Variants in DGKI observed in about 807,000 individuals in gnomAD.
DGKI encodes the protein DAG kinase iota.
In DGKI, 55 loss-of-function variants were observed where a neutral mutation model predicts 147.5. The ratio of observed to expected loss-of-function variants is 0.37; its 90% CI spans 0.30 to 0.47. The LOEUF (loss-of-function observed/expected upper bound fraction) is 0.47, where lower values mean the gene tolerates loss of function less well. Ranked by LOEUF, DGKI falls within the 20% of genes least tolerant of loss-of-function variation. The pLI, the probability that DGKI is intolerant of heterozygous loss-of-function variation, is 1.00. For missense variants in DGKI, 1,007 were observed against 1,323.8 expected (o/e 0.76, Z 3.71); for synonymous variants, 469 against 477.1 (o/e 0.98, Z 0.22).
chr7:137,522,168 A>G (rs969813436), intron 20 of DGKI, among the ~76,000 whole-genome samples: 1 of 152,074 alleles, frequency 6.6e-6, no homozygotes, highest in Non-Finnish European at 1.5e-5. Flanking sequence ...TGGAATTTAC[A>G]TAAGAATATA....
rs972670307 is a variant in DGKI at position 137,397,376 on chromosome 7, C to T, written c.2957+1G>A. ...ACTATGTAATAAAAGGCAACACTCACGTTTCACTGTCTGCCATATCCAATA... is the reference window on the plus strand; with the variant it reads ...ACTATGTAATAAAAGGCAACACTCATGTTTCACTGTCTGCCATATCCAATA... On this transcript the variant is annotated splice_donor_variant, in intron 31 of 32. Transcript: ENST00000614521. LOFTEE classifies it high-confidence loss of function. 1.2e-6 allele frequency: 2 copies of T among 1,613,052 alleles called. No individual in the cohort carries two copies. Among genetic ancestry groups the T allele is most frequent in the Non-Finnish European group, 1.7e-6 (2 of 1,179,600 alleles).
chr7:137,689,728 T>C (rs546522285), intron 2 of DGKI, among the ~76,000 whole-genome samples, 166 bp downstream of exon 2: 20 of 152,334 alleles, frequency 1.3e-4, no homozygotes, highest in African/African-American at 4.8e-4. Flanking sequence ...GGAGTGATGT[T>C]CATAGGAGTT....
intron 1 of DGKI, among the ~76,000 whole-genome samples, chr7:137,833,276 A>G (rs1006801423): frequency 6.6e-6 from 1 of 152,158 alleles, no homozygotes; most frequent in Non-Finnish European, 1.5e-5. Context: ...TGGGCAATTT[A>G]CAGAAGAGGT....
chr7:137,574,099 T>C (rs1322143409), intron 17 of DGKI, among the ~76,000 whole-genome samples: 1 of 152,186 alleles, frequency 6.6e-6, no homozygotes. Context: ...AGTTTCAATC[T>C]AAGTATAATG....
chr7:137,781,777 C>T (rs1796525442), intron 1 of DGKI, among the ~76,000 whole-genome samples: 1 of 152,142 alleles, frequency 6.6e-6, no homozygotes, highest in Admixed American at 6.5e-5. Context: ...CCGGAATTGC[C>T]AGGGAAGGAC....
chr7:137,444,077 C>A lies in DGKI; in HGVS notation c.2761G>T (p.Ala921Ser). 6.4e-7 allele frequency: 1 copy of A among 1,565,344 alleles called. No homozygotes were observed. Among genetic ancestry groups the A allele is most frequent in the Non-Finnish European group, 8.7e-7 (1 of 1,154,022 alleles). Residue 921 changes from alanine to serine, a missense_variant and splice_region_variant, in exon 28 of 33, where the codon GCA becomes TCA. Transcript: ENST00000614521. ...LQSPVSSEDH[A>S]ILQAVIAGDL... Reference sequence around the variant, plus strand: ...TATAAATAAGACAGATGATTCTTACCATGATCTTCTGAAGAGACTGGTGAC... The same window carrying A: ...TATAAATAAGACAGATGATTCTTACAATGATCTTCTGAAGAGACTGGTGAC...
At chr7:137,721,538 G>A (rs1794557543) in intron 1 of DGKI, among the ~76,000 whole-genome samples, 1 of 151,974 alleles carries the variant, frequency 6.6e-6, no homozygotes, top group African/African-American at 2.4e-5. Flanking sequence ...CCCTTTCTTG[G>A]ACTATTGTGA....
chr7:137,584,798 C>T (rs899787480), intron 14 of DGKI, among the ~76,000 whole-genome samples: 3 of 152,118 alleles, frequency 2.0e-5, no homozygotes, highest in Non-Finnish European at 2.9e-5. Flanking sequence ...ACCTCTTCAA[C>T]GTAAGATATA....
intron 21 of DGKI, chr7:137,493,689 C>A: frequency 1.4e-6 from 1 of 692,724 alleles, no homozygotes; most frequent in South Asian, 1.5e-5. Context: ...TAAAAGATAG[C>A]AACTTCAAAG....
At position 137,569,966 on chromosome 7, in the gene DGKI, C is replaced by A. The variant is rs988311015; in HGVS notation, c.1947+1209G>T. ...TATTCTAGAGATGAGTTAACAAGGG[C>A]CATCACAAAATCAGGTGATGAAGAT... On this transcript the variant is annotated intron_variant, in intron 19 of 32. Transcript: ENST00000614521. 1.2e-4 allele frequency among the ~76,000 whole-genome samples: 18 copies of A among 151,768 alleles called. 1 individual carries two copies. The highest frequency in any genetic ancestry group is 2.4e-4 in the Non-Finnish European group (16 of 67,966).
chr7:137,581,204 C>G (rs1819177906), intron 15 of DGKI, among the ~76,000 whole-genome samples: 1 of 151,964 alleles, frequency 6.6e-6, no homozygotes, highest in Non-Finnish European at 1.5e-5. Flanking sequence ...ATTCTGTTCC[C>G]CTAATCTTGA....
intron 1 of DGKI, among the ~76,000 whole-genome samples, chr7:137,765,256 C>T (rs1315991254): frequency 6.6e-6 from 1 of 152,092 alleles, no homozygotes; most frequent in African/African-American, 2.4e-5. Context: ...ACCAGAACTA[C>T]TGCCAGTAGA....
chr7:137,614,831 C>T (rs1000331164), intron 8 of DGKI, among the ~76,000 whole-genome samples: 2 of 152,096 alleles, frequency 1.3e-5, no homozygotes, highest in African/African-American at 4.8e-5. Flanking sequence ...ATTTCCTTTA[C>T]TCCTCCTCTC....
chr7:137,628,706 AC>A (rs1365802811), intron 6 of DGKI, among the ~76,000 whole-genome samples: 1 of 152,238 alleles, frequency 6.6e-6, no homozygotes, highest in Non-Finnish European at 1.5e-5. Context: ...GATTAAAAAT[AC>A]CAAGAACATT....
chr7:137,762,255 A>C (rs144178230), intron 1 of DGKI, among the ~76,000 whole-genome samples: 18 of 152,342 alleles, frequency 1.2e-4, no homozygotes, highest in African/African-American at 4.3e-4. Context: ...ATTCCTGGGA[A>C]ACACTCTGAC....
rs1441922796 is a variant in DGKI at position 137,846,906 on chromosome 7, C to G, written c.-44G>C. On this transcript the variant is annotated 5_prime_UTR_variant, in exon 1 of 33. Transcript: ENST00000614521. The surrounding 1 kb of genome is among the most constrained non-coding windows in gnomAD (Gnocchi z 4.0). ...GGGGCATTGTGGGAAACTCCGCTCA[C>G]TCCCCCGCCCCGGCCAATCAGAGGC... is the stretch of plus-strand genomic sequence containing the variant. 17 of 1,119,974 alleles carry G rather than the reference C, an allele frequency of 1.5e-5. No individual in the cohort carries two copies. The highest frequency in any genetic ancestry group is 1.9e-5 in the Non-Finnish European group (17 of 914,314). 69.4% of individuals were successfully genotyped at this position (1,119,974 alleles called of 1,614,324 possible). A position where few individuals can be genotyped will look rare whatever the true frequency, so the allele number is the denominator to read the frequency against.
intron 5 of DGKI, among the ~76,000 whole-genome samples, chr7:137,649,128 T>C (rs1251488643): frequency 1.3e-5 from 2 of 152,202 alleles, no homozygotes; most frequent in African/African-American, 4.8e-5. Context: ...AAACATCCAA[T>C]ATATGTGTGT....
intron 1 of DGKI, among the ~76,000 whole-genome samples, chr7:137,793,240 C>G (rs1019818623): frequency 2.0e-4 from 30 of 152,206 alleles, no homozygotes; most frequent in African/African-American, 7.2e-4. Flanking sequence ...AAAAAAAGCC[C>G]TAGTTAGTCT....
intron 11 of DGKI, among the ~76,000 whole-genome samples, chr7:137,599,224 G>T (rs1053938076): frequency 6.6e-6 from 1 of 152,116 alleles, no homozygotes; most frequent in African/African-American, 2.4e-5. Context: ...CAGGATATGG[G>T]TCACCTACAA....
Sources: allele counts gnomAD v4.1 joint callset (sites outside exome capture counted in the v4.1 genomes callset), GRCh38; gene constraint gnomAD v4.1.1; non-coding constraint Gnocchi (gnomAD v3.1); transcripts MANE v1.5; gene names NCBI Gene and HGNC (gene_info 2026-07-23, HGNC 2026-07-21).